SLC35F1: variants seen among roughly 807,000 people sequenced by gnomAD.
SLC35F1 encodes solute carrier family 35 member F1, also known as chromosome 6 open reading frame 169.
Under a neutral mutation model 48.7 loss-of-function variants are expected in SLC35F1, and 14 were observed. The ratio of observed to expected loss-of-function variants is 0.29; its 90% CI spans 0.19 to 0.45. SLC35F1 has a LOEUF of 0.45. Among genes scored for constraint, SLC35F1 ranks in the 20% least tolerant of loss-of-function variants. SLC35F1 has a pLI of 1.00. For synonymous variants in SLC35F1, 190 were observed against 202.2 expected, an observed-to-expected ratio of 0.94 and a Z score of 0.51; for missense variants, 404 against 500.0, an observed-to-expected ratio of 0.81 and a Z score of 1.83.
At chr6:118,236,225 C>T (rs923236159) in intron 3 of SLC35F1, among the ~76,000 whole-genome samples, 1 of 152,126 alleles carries the variant, frequency 6.6e-6, no homozygotes, top group Non-Finnish European at 1.5e-5. Context: ...CTTCTTCCCT[C>T]TCCTTCTCTT....
chr6:117,951,376 A>G (rs994857355), intron 1 of SLC35F1, among the ~76,000 whole-genome samples: 10 of 152,342 alleles, frequency 6.6e-5, no homozygotes, highest in African/African-American at 2.4e-4. Context: ...CTAAACATAA[A>G]ACTGTCTTGG....
intron 1 of SLC35F1, among the ~76,000 whole-genome samples, chr6:118,127,750 G>A (rs1335023646): frequency 2.0e-5 from 3 of 151,806 alleles, no homozygotes; most frequent in Non-Finnish European, 4.4e-5. Context: ...ATAGGCATGG[G>A]CAAGGACTTC....
intron 6 of SLC35F1, among the ~76,000 whole-genome samples, chr6:118,282,004 A>G (rs1012015955): frequency 6.6e-6 from 1 of 152,250 alleles, no homozygotes; most frequent in African/African-American, 2.4e-5. Context: ...ACTTTAGTGC[A>G]TAAGGACAAG....
At chr6:117,943,152 C>G (rs980385043) in intron 1 of SLC35F1, among the ~76,000 whole-genome samples, 1 of 152,170 alleles carries the variant, frequency 6.6e-6, no homozygotes, top group Non-Finnish European at 1.5e-5. Flanking sequence ...GAGGAGTGCT[C>G]TATTTCAAAT....
chr6:118,112,724 T>C (rs1392950793), intron 1 of SLC35F1, among the ~76,000 whole-genome samples: 2 of 152,014 alleles, frequency 1.3e-5, no homozygotes, highest in East Asian at 3.9e-4. Flanking sequence ...AAAATATAAT[T>C]GATATACTAA....
intron 1 of SLC35F1, chr6:117,999,369 A>C: frequency 6.3e-7 from 1 of 1,586,910 alleles, no homozygotes; most frequent in Non-Finnish European, 8.5e-7. Flanking sequence ...GATCAAACCA[A>C]GGCCCAGGCT....
In SLC35F1 at chr6:118,314,362, G is replaced by C; in HGVS notation, c.*110G>C. On this transcript the variant is annotated 3_prime_UTR_variant, in exon 8 of 8. Coordinates refer to ENST00000360388, the MANE Select transcript of SLC35F1 (RefSeq NM_001029858.4). The stretch of plus-strand genomic sequence containing the variant: ...TTACTAGGTGCAGTTTACACAGGTG[G>C]ACTGCAAGGTAGCAAATCCTCCAAA... 1 of 921,302 alleles carries C rather than the reference G, an allele frequency of 1.1e-6. No homozygotes were observed. The highest frequency in any genetic ancestry group is 2.6e-5 in the East Asian group (1 of 37,820). 57.1% of individuals were successfully genotyped at this position (921,302 alleles called of 1,614,324 possible).
intron 7 of SLC35F1, among the ~76,000 whole-genome samples, chr6:118,286,993 C>T (rs946846912): frequency 6.6e-6 from 1 of 152,118 alleles, no homozygotes; most frequent in South Asian, 2.1e-4. Flanking sequence ...TTATATGGAG[C>T]CTTTTGCCCA....
At chr6:118,156,979 T>C (rs2114473273) in intron 2 of SLC35F1, among the ~76,000 whole-genome samples, 1 of 152,306 alleles carries the variant, frequency 6.6e-6, no homozygotes, top group African/African-American at 2.4e-5. Flanking sequence ...AGATGAAATG[T>C]AGTAAAATGC....
At chr6:117,923,691 G>GTA (rs1562238793) in intron 1 of SLC35F1, among the ~76,000 whole-genome samples, 105 of 7,414 alleles carry the variant, frequency 0.014, 18 homozygotes, top group South Asian at 0.045. Context: ...ATATACATAT[G>GTA]TACATATACA....
chr6:117,998,075 G>A (rs577993085), intron 1 of SLC35F1, among the ~76,000 whole-genome samples: 1 of 148,210 alleles, frequency 6.7e-6, no homozygotes. Context: ...AAAGGATGGA[G>A]GAAGATCTAC....
At chr6:118,297,453 T>C (rs950032826) in intron 7 of SLC35F1, among the ~76,000 whole-genome samples, 2 of 151,952 alleles carry the variant, frequency 1.3e-5, no homozygotes, top group Non-Finnish European at 2.9e-5. Flanking sequence ...CGAAAGCAGA[T>C]GGTCATCAAG....
chr6:118,107,399 A>G lies in SLC35F1; in HGVS notation c.174-47046A>G, dbSNP rs202117746. Among the ~76,000 whole-genome samples, 10 of 152,130 alleles carry G rather than the reference A, an allele frequency of 6.6e-5. No homozygotes were observed. The East Asian group carries it at 9.6e-4, about 15-fold the overall frequency. On this transcript the variant is annotated intron_variant, in intron 1 of 7. Coordinates refer to ENST00000360388, the MANE Select transcript of SLC35F1 (RefSeq NM_001029858.4). ...GTCCTTTGGACTGGATATTTACTCA[A>G]TATCACCCTGAGTGACTACAGGGGG...
rs1397409417 is a variant in SLC35F1 at position 118,154,600 on chromosome 6, CCA to C, written c.333_334del (p.Leu112SerfsTer104). On this transcript the variant is annotated frameshift_variant, in exon 2 of 8. Coordinates refer to ENST00000360388, the MANE Select transcript of SLC35F1 (RefSeq NM_001029858.4). LOFTEE classifies it high-confidence loss of function. ...ATTCTTCTCTTCTTGGTCTATACCA[CCA>C]CACTAGCCGTCAGACAAGGTAAGCT... is the stretch of plus-strand genomic sequence containing the variant. 6.2e-7 allele frequency: 1 copy of C among 1,611,758 alleles called. No homozygotes were observed. The highest frequency in any genetic ancestry group is 2.2e-5 in the East Asian group (1 of 44,822).
chr6:117,923,543 A>C (rs2114802891), intron 1 of SLC35F1, among the ~76,000 whole-genome samples: 1 of 143,742 alleles, frequency 7.0e-6, no homozygotes, highest in African/African-American at 2.5e-5. Flanking sequence ...ATGGAATAGA[A>C]TGGAAATTGA....
intron 1 of SLC35F1, among the ~76,000 whole-genome samples, chr6:118,002,670 T>C (rs1010979866): frequency 3.3e-5 from 5 of 152,020 alleles, no homozygotes; most frequent in Non-Finnish European, 7.4e-5. Context: ...ATAATAATTT[T>C]TTCAAGGTCA....
chr6:118,120,737 G>A lies in SLC35F1; in HGVS notation c.174-33708G>A, dbSNP rs573489307. 3.5e-4 allele frequency among the ~76,000 whole-genome samples: 53 copies of A among 152,232 alleles called. 1 individual carries two copies. In the South Asian group the frequency reaches 0.011, roughly 32 times the overall value. ...GGTGATGGGTGAATTGAAACCCCAG[G>A]AAGGGTACAGTAACCGCTTGAAATA... On this transcript the variant is annotated intron_variant, in intron 1 of 7. Transcript: ENST00000360388.
intron 1 of SLC35F1, among the ~76,000 whole-genome samples, chr6:118,092,962 G>C (rs773481644): frequency 1.3e-5 from 2 of 152,080 alleles, no homozygotes; most frequent in African/African-American, 2.4e-5. Context: ...TTGGACTTTT[G>C]GGTTAATGCC....
intron 1 of SLC35F1, among the ~76,000 whole-genome samples, chr6:118,006,336 G>A (rs1297393194): frequency 6.6e-6 from 1 of 152,118 alleles, no homozygotes; most frequent in East Asian, 1.9e-4. Context: ...ATCTGATTTG[G>A]CCAGGTGTGG....
Sources: gnomAD v4.1 joint callset for allele counts (sites outside exome capture counted in the v4.1 genomes callset) on GRCh38, gnomAD v4.1.1 for gene constraint, MANE v1.5 for transcripts, NCBI Gene and HGNC (gene_info 2026-07-23, HGNC 2026-07-21) for gene names.